Variants in FRMD4A observed in about 807,000 individuals in gnomAD.
FRMD4A encodes the protein FERM domain-containing protein 4A.
Under a neutral mutation model 129.1 loss-of-function variants are expected in FRMD4A, and 29 were observed. The observed-to-expected ratio is 0.22, with a 90% CI of 0.17 to 0.31. The LOEUF (loss-of-function observed/expected upper bound fraction) is 0.31, where lower values mean the gene tolerates loss of function less well. Ranked by LOEUF, FRMD4A falls within the 10% of genes least tolerant of loss-of-function variation. FRMD4A has a pLI of 1.00. For missense variants in FRMD4A, 1,272 were observed against 1,375.8 expected (o/e 0.92, Z 1.19); for synonymous variants, 634 against 571.6 (o/e 1.11, Z -1.56).
chr10:13,733,118 T>C (rs142980453), intron 12 of FRMD4A, among the ~76,000 whole-genome samples: 4 of 152,372 alleles, frequency 2.6e-5, no homozygotes, highest in African/African-American at 7.2e-5. Flanking sequence ...TGCATCGATA[T>C]GCATTCACAC....
At chr10:14,207,694 A>G (rs1485656419) in intron 2 of FRMD4A, among the ~76,000 whole-genome samples, 2 of 151,752 alleles carry the variant, frequency 1.3e-5, no homozygotes, top group East Asian at 1.9e-4. Context: ...AACCACACAC[A>G]CACACACACA....
chr10:14,203,649 G>A (rs562927732), intron 2 of FRMD4A, among the ~76,000 whole-genome samples: 1 of 152,244 alleles, frequency 6.6e-6, no homozygotes, highest in South Asian at 2.1e-4. Flanking sequence ...TCCCACGGGG[G>A]TCACCTTGTT....
At chr10:13,864,908 C>T (rs2094345293) in intron 2 of FRMD4A, among the ~76,000 whole-genome samples, 1 of 152,124 alleles carries the variant, frequency 6.6e-6, no homozygotes, top group Admixed American at 6.5e-5. Flanking sequence ...TGGTATATGC[C>T]TGTGCAGGAG....
At chr10:14,090,067 C>G (rs1437966072) in intron 2 of FRMD4A, among the ~76,000 whole-genome samples, 1 of 152,186 alleles carries the variant, frequency 6.6e-6, no homozygotes, top group Non-Finnish European at 1.5e-5. Flanking sequence ...AAAACTCTGC[C>G]GCAGGGGCAG....
chr10:13,946,313 G>A (rs888469600), intron 2 of FRMD4A, among the ~76,000 whole-genome samples: 2 of 152,204 alleles, frequency 1.3e-5, no homozygotes, highest in East Asian at 3.8e-4. Flanking sequence ...AGTTGAAAGA[G>A]GTGCTCGTTA....
At chr10:13,737,268 T>G (rs2090687038) in intron 12 of FRMD4A, among the ~76,000 whole-genome samples, 1 of 152,194 alleles carries the variant, frequency 6.6e-6, no homozygotes, top group Non-Finnish European at 1.5e-5. Flanking sequence ...TTTTGTATTT[T>G]TAGTAGAGAG....
At chr10:14,229,327 G>A (rs556312842) in intron 2 of FRMD4A, among the ~76,000 whole-genome samples, 2 of 152,250 alleles carry the variant, frequency 1.3e-5, no homozygotes, top group Admixed American at 6.5e-5. Flanking sequence ...CAAGTTGGTT[G>A]CATGGGTGGA....
intron 2 of FRMD4A, among the ~76,000 whole-genome samples, chr10:14,061,667 C>G (rs1441358747): frequency 1.3e-5 from 2 of 152,024 alleles, no homozygotes; most frequent in Non-Finnish European, 2.9e-5. Context: ...CTAAATGAAA[C>G]AAGGGGGATT....
At chr10:14,084,245 C>A (rs1416736794) in intron 2 of FRMD4A, among the ~76,000 whole-genome samples, 1 of 152,206 alleles carries the variant, frequency 6.6e-6, no homozygotes, top group East Asian at 1.9e-4. Flanking sequence ...CTCCTGGGTT[C>A]AAGTGATTCT....
chr10:13,952,991 C>T (rs1050006454), intron 2 of FRMD4A, among the ~76,000 whole-genome samples: 1 of 152,160 alleles, frequency 6.6e-6, no homozygotes, highest in Non-Finnish European at 1.5e-5. Context: ...GCCACCCTGC[C>T]CGGCCCAAAT....
In FRMD4A at chr10:13,908,735, T is replaced by C. The variant is rs149267826; in HGVS notation, c.46-49823A>G. Among the ~76,000 whole-genome samples the C allele has an allele frequency of 3.5e-3, 527 of 152,342 alleles. 2 individuals carry two copies. The highest frequency in any genetic ancestry group is 5.6e-3 in the Non-Finnish European group (380 of 68,038). ...ACCTTCTCAACATGTCCACTTAATT[T>C]GCTCCCTCTTCTTCCCATGTTTTTA... On this transcript the variant is annotated intron_variant, in intron 2 of 24. Transcript: ENST00000357447.
At chr10:13,683,251 C>T (rs1368648199) in intron 15 of FRMD4A, among the ~76,000 whole-genome samples, 2 of 152,090 alleles carry the variant, frequency 1.3e-5, no homozygotes, top group Non-Finnish European at 2.9e-5. Context: ...GACATGCATC[C>T]AGTGCTCAGA....
intron 2 of FRMD4A, among the ~76,000 whole-genome samples, chr10:14,095,374 C>T (rs1409504416): frequency 6.6e-6 from 1 of 152,122 alleles, no homozygotes; most frequent in African/African-American, 2.4e-5. Flanking sequence ...TAGATGTGCC[C>T]CATTGCAAAA....
chr10:13,706,928 G>A (rs1029946924), intron 13 of FRMD4A, 109 bp downstream of exon 13: 48 of 658,730 alleles, frequency 7.3e-5, no homozygotes, highest in Non-Finnish European at 1.2e-4. Context: ...CCCCACCCTC[G>A]CTCCCTGCTC....
chr10:13,988,824 A>G (rs1283662185), intron 2 of FRMD4A, among the ~76,000 whole-genome samples: 1 of 152,168 alleles, frequency 6.6e-6, no homozygotes, highest in African/African-American at 2.4e-5. Flanking sequence ...AACAAAGATG[A>G]AAAAGAAAAA....
rs1589505725 is a variant in FRMD4A at position 13,714,021 on chromosome 10, A to AATACATATATAAT, written c.760-6909_760-6908insATTATATATGTAT. Among the ~76,000 whole-genome samples the AATACATATATAAT allele has an allele frequency of 1.4e-3, 2 of 1,478 alleles. 1 individual carries two copies. The highest frequency in any genetic ancestry group is 0.067 in the South Asian group (2 of 30). 1.0% of individuals were successfully genotyped at this position (1,478 alleles called of 152,430 possible). On this transcript the variant is annotated intron_variant, in intron 12 of 24. Coordinates refer to ENST00000357447, the MANE Select transcript of FRMD4A (RefSeq NM_018027.5). The stretch of plus-strand genomic sequence containing the variant: ...ATACATATATAATATACATATATAA[A>AATACATATATAAT]ATATACATATATATATATATATATA...
At chr10:14,267,620 G>T (rs1251929319) in intron 2 of FRMD4A, among the ~76,000 whole-genome samples, 1 of 152,144 alleles carries the variant, frequency 6.6e-6, no homozygotes, top group African/African-American at 2.4e-5. Flanking sequence ...CAAGCAATTA[G>T]GAATTCATTT....
chr10:13,963,813 G>A (rs1403181005), intron 2 of FRMD4A, among the ~76,000 whole-genome samples: 1 of 152,120 alleles, frequency 6.6e-6, no homozygotes, highest in African/African-American at 2.4e-5. Context: ...GTATCTATAG[G>A]TCATTGCAGG....
intron 2 of FRMD4A, among the ~76,000 whole-genome samples, chr10:14,096,596 A>G (rs2131765058): frequency 6.6e-6 from 1 of 152,326 alleles, no homozygotes; most frequent in African/African-American, 2.4e-5. Context: ...AATTCACCCC[A>G]AAGTTACAAA....
Sources: gnomAD v4.1 joint callset for allele counts (sites outside exome capture counted in the v4.1 genomes callset) on GRCh38, gnomAD v4.1.1 for gene constraint, MANE v1.5 for transcripts, NCBI Gene and HGNC (gene_info 2026-07-23, HGNC 2026-07-21) for gene names.